Variants in DMD observed in about 807,000 individuals in gnomAD.
DMD encodes dystrophin.
In DMD, 63 loss-of-function variants were observed where a neutral mutation model predicts 330.1. The ratio of observed to expected loss-of-function variants is 0.19; its 90% confidence interval spans 0.16 to 0.24. The LOEUF is 0.24. DMD is among the 10% of genes least tolerant of loss of function. The pLI is 1.00. For synonymous variants in DMD, 1,223 were observed against 959.8 expected, an observed-to-expected ratio of 1.27 and a Z score of -5.07; for missense variants, 3,344 against 2,684.1, an observed-to-expected ratio of 1.25 and a Z score of -5.43.
intron 62 of DMD, among the ~76,000 whole-genome samples, chrX:31,285,763 T>C (rs1319020351): frequency 1.8e-5 from 2 of 111,818 alleles, no homozygotes; most frequent in African/African-American, 3.2e-5. Context: ...TATGTCAAAA[T>C]AAATAAATGA....
At position 32,970,051 on chromosome X, in the gene DMD, C is replaced by T. The variant is rs751232221; in HGVS notation, c.93+50088G>A. Among the ~76,000 whole-genome samples the T allele has an allele frequency of 1.7e-4, 16 of 94,809 alleles. 3 individuals carry two copies. The highest frequency in any genetic ancestry group is 4.2e-4 in the Admixed American group (4 of 9,572). 82.3% of individuals were successfully genotyped at this position (94,809 alleles called of 115,157 possible). On this transcript the variant is annotated intron_variant, in intron 2 of 78. Coordinates refer to ENST00000357033, the MANE Select transcript of DMD (RefSeq NM_004006.3). ...TGTGTTACTCCATAGTCAATGATGG[C>T]GATGGTCCTCAACTCTTGCCTCCAA...
intron 47 of DMD, among the ~76,000 whole-genome samples, chrX:31,897,009 C>T (rs1279570468): frequency 7.3e-5 from 8 of 109,299 alleles, no homozygotes; most frequent in Admixed American, 9.7e-5. Context: ...GCCATGCTGG[C>T]GCGCTGCACC....
rs1257911260 is a variant in DMD, at chrX:31,474,725, AAT to A, written c.8937+3379_8937+3380del. On this transcript the variant is annotated intron_variant, in intron 59 of 78. Coordinates refer to ENST00000357033, the MANE Select transcript of DMD (RefSeq NM_004006.3). ...CTGTCGCAAAAAAAAAATAAAATAA[AAT>A]AAAATAAAATAAAATAAAATAAAAT... Among the ~76,000 whole-genome samples, 115 of 102,350 alleles carry A rather than the reference AAT, an allele frequency of 1.1e-3. 2 individuals carry two copies. Among genetic ancestry groups the A allele is most frequent in the African/African-American group, 3.9e-3 (108 of 27,795 alleles). The allele number at this position is 102,350 out of a possible 115,157, so 88.9% of individuals were successfully genotyped here.
intron 5 of DMD, among the ~76,000 whole-genome samples, chrX:32,818,561 T>C (rs1569528335): frequency 8.9e-6 from 1 of 111,883 alleles, no homozygotes; most frequent in African/African-American, 3.3e-5. Flanking sequence ...TTTGTGTGTG[T>C]GCGCGCATAC....
At chrX:32,457,120 G>A (rs1183412773) in intron 25 of DMD, among the ~76,000 whole-genome samples, 1 of 109,360 alleles carries the variant, frequency 9.1e-6, no homozygotes, top group Admixed American at 9.8e-5. Flanking sequence ...AGTGGTCAGG[G>A]CAATAGAACC....
chrX:32,737,203 T>G (rs924573904), intron 7 of DMD, among the ~76,000 whole-genome samples: 1 of 110,592 alleles, frequency 9.0e-6, no homozygotes, highest in African/African-American at 3.3e-5. Flanking sequence ...AATGGCCACC[T>G]GGTGCTTCAA....
At position 32,342,280 on chromosome X, in the gene DMD, T is replaced by A. The variant is rs1185519858; in HGVS notation, c.5742A>T (p.Glu1914Asp). The change falls in exon 41 of 79, where the codon GAA (glutamate) becomes GAT (aspartate). Residue 1914 changes from glutamate to aspartate, a missense_variant and splice_region_variant. By Grantham distance (45) the Glu-to-Asp change is conservative. Transcript: ENST00000357033. ...TCTTCTTCTGCAATTCCCGATCAAT[T>A]TCCTATTGAGCAAAACCAATACAGG... ...PEPRDERKIK[E>D]IDRELQKKKE... 5 of 1,211,140 alleles carry A rather than the reference T, an allele frequency of 4.1e-6. No individual in the cohort carries two copies. In the South Asian group the frequency reaches 8.8e-5, roughly 21 times the overall value.
At chrX:31,530,989 T>C (rs1404131360) in intron 55 of DMD, among the ~76,000 whole-genome samples, 2 of 96,046 alleles carry the variant, frequency 2.1e-5, no homozygotes, top group African/African-American at 8.5e-5. Flanking sequence ...TCCATGTCCC[T>C]ACAACGGACA....
rs754162660 is a variant in DMD, at chrX:32,013,093, C to CTTTTTTTTTTTTTTTTTTTTTTTT, written c.6439-44580_6439-44579insAAAAAAAAAAAAAAAAAAAAAAAA. On this transcript the variant is annotated intron_variant, in intron 44 of 78. Coordinates refer to ENST00000357033, the MANE Select transcript of DMD (RefSeq NM_004006.3). Reference sequence around the variant, plus strand: ...GGAAATTAATCTTTTCTTTTCTTTCCTTTTTTTTTTTTTGAGATGGAATCT... The same window carrying CTTTTTTTTTTTTTTTTTTTTTTTT: ...GGAAATTAATCTTTTCTTTTCTTTCCTTTTTTTTTTTTTTTTTTTTTTTTTTTTTTTTTTTTTGAGATGGAATCT... Among the ~76,000 whole-genome samples the CTTTTTTTTTTTTTTTTTTTTTTTT allele has an allele frequency of 1.1e-4, 7 of 61,156 alleles. 2 individuals carry two copies. Among genetic ancestry groups the CTTTTTTTTTTTTTTTTTTTTTTTT allele is most frequent in the African/African-American group, 3.2e-4 (4 of 12,319 alleles). 53.1% of individuals were successfully genotyped at this position (61,156 alleles called of 115,157 possible).
intron 29 of DMD, among the ~76,000 whole-genome samples, chrX:32,420,992 G>T (rs1019732498): frequency 3.6e-5 from 4 of 111,325 alleles, no homozygotes; most frequent in Non-Finnish European, 7.5e-5. Context: ...CGGCCTCTGT[G>T]GTCAACTGTA....
intron 44 of DMD, among the ~76,000 whole-genome samples, chrX:32,061,119 T>A: frequency 9.0e-6 from 1 of 111,333 alleles, no homozygotes; most frequent in Non-Finnish European, 1.9e-5. Flanking sequence ...ATGAGAACCA[T>A]AACCCCAGGC....
intron 48 of DMD, among the ~76,000 whole-genome samples, chrX:31,867,065 A>T (rs1395015058): frequency 1.4e-4 from 14 of 100,624 alleles, no homozygotes; most frequent in African/African-American, 5.2e-4. Context: ...ATAAAATTGA[A>T]TATACTTAAG....
At chrX:32,140,574 C>T (rs756679442) in intron 44 of DMD, among the ~76,000 whole-genome samples, 4 of 111,522 alleles carry the variant, frequency 3.6e-5, no homozygotes, top group Non-Finnish European at 5.6e-5. Context: ...TGTATTAGTC[C>T]GTTTTCATGC....
At position 32,809,514 on chromosome X, in the gene DMD, C is replaced by A; in HGVS notation, c.628G>T (p.Glu210Ter). ...FNIARYQLGI[E>*]KLLDPEDVDT... is the part of the protein sequence containing the mutation. ...CAACCTTCAGGATCGAGTAGTTTCT[C>A]TATGCCTAATTGATATCTGGCGATG... Residue 210 changes from glutamate (E) to a stop codon, truncating the protein, a stop_gained, in exon 7 of 79, where the codon GAG (glutamate) becomes TAG (stop). Transcript: ENST00000357033. LOFTEE classifies it high-confidence loss of function. The A allele has an allele frequency of 8.3e-7, 1 of 1,210,897 alleles. No individual in the cohort carries two copies. The highest frequency in any genetic ancestry group is 1.1e-6 in the Non-Finnish European group (1 of 894,921).
chrX:32,520,181 T>A (rs1021813627), intron 17 of DMD, among the ~76,000 whole-genome samples: 1 of 111,856 alleles, frequency 8.9e-6, no homozygotes, highest in Non-Finnish European at 1.9e-5. Flanking sequence ...CCTACATTTT[T>A]TATCCACAAG....
In DMD at chrX:31,765,760, C is replaced by T. The variant is rs762081501; in HGVS notation, c.7542+8200G>A. Among the ~76,000 whole-genome samples the T allele has an allele frequency of 7.2e-4, 80 of 111,440 alleles. 1 individual carries two copies. The highest frequency in any genetic ancestry group is 2.2e-3 in the African/African-American group (69 of 30,733). On this transcript the variant is annotated intron_variant, in intron 51 of 78. Transcript: ENST00000357033. Reference sequence around the variant, plus strand: ...TGTGATCACTGCCTCATCTTATTCACACTTATTCACTATCATACACAAGGA... The same window carrying T: ...TGTGATCACTGCCTCATCTTATTCATACTTATTCACTATCATACACAAGGA...
intron 13 of DMD, among the ~76,000 whole-genome samples, chrX:32,579,857 T>C (rs772298391): frequency 7.1e-4 from 80 of 113,026 alleles, no homozygotes; most frequent in African/African-American, 2.5e-3. Context: ...TGTAGTGAGA[T>C]TTTAACACGA....
chrX:31,558,431 A>G (rs762075030), intron 55 of DMD, among the ~76,000 whole-genome samples: 11 of 111,117 alleles, frequency 9.9e-5, no homozygotes, highest in Non-Finnish European at 2.1e-4. Context: ...TTCTGATTCA[A>G]CAGTTCTGAA....
At chrX:33,001,452 T>G (rs2093275712) in intron 2 of DMD, among the ~76,000 whole-genome samples, 2 of 111,944 alleles carry the variant, frequency 1.8e-5, no homozygotes, top group African/African-American at 6.5e-5. Context: ...GTTGATAAAC[T>G]CATGCTTTTG....
Sources: allele counts gnomAD v4.1 joint callset (sites outside exome capture counted in the v4.1 genomes callset), GRCh38; gene constraint gnomAD v4.1.1; transcripts MANE v1.5; gene names NCBI Gene and HGNC (gene_info 2026-07-23, HGNC 2026-07-21).